Variants in CHCHD3 observed in about 807,000 individuals in gnomAD.
CHCHD3 encodes MICOS complex subunit MIC19.
Under a neutral mutation model 38.2 loss-of-function variants are expected in CHCHD3, and 20 were observed. The observed-to-expected ratio is 0.52, with a 90% CI of 0.37 to 0.76. The LOEUF (loss-of-function observed/expected upper bound fraction) is 0.76, where lower values mean the gene tolerates loss of function less well. CHCHD3 is among the 30% of genes least tolerant of loss of function. The pLI, the probability that CHCHD3 is intolerant of heterozygous loss-of-function variation, is 0.00. For synonymous variants in CHCHD3, 82 were observed against 100.0 expected (o/e 0.82, Z 1.07); for missense variants, 245 against 279.2 (o/e 0.88, Z 0.87).
chr7:133,044,504 CAATAAT>C (rs1813920798), intron 2 of CHCHD3, among the ~76,000 whole-genome samples: 2 of 151,912 alleles, frequency 1.3e-5, no homozygotes, highest in Admixed American at 1.3e-4. Context: ...AAAATAATAA[CAATAAT>C]AATACAAGAA....
chr7:132,947,997 GA>G (rs1254468133), intron 4 of CHCHD3, among the ~76,000 whole-genome samples: 5 of 152,090 alleles, frequency 3.3e-5, no homozygotes, highest in Admixed American at 1.3e-4. Context: ...CCATTGGGGG[GA>G]AAAAGTCACA....
At chr7:132,994,546 C>A (rs1441489475) in intron 3 of CHCHD3, among the ~76,000 whole-genome samples, 2 of 152,128 alleles carry the variant, frequency 1.3e-5, no homozygotes, top group African/African-American at 4.8e-5. Context: ...TATGAGAAAA[C>A]AGAACAACCC....
chr7:133,009,363 CAA>C (rs71178076), intron 3 of CHCHD3, among the ~76,000 whole-genome samples: 19 of 67,398 alleles, frequency 2.8e-4, no homozygotes, highest in South Asian at 5.9e-4. Flanking sequence ...GACTCTGTCT[CAA>C]AAAAAAAAAA....
chr7:132,812,943 T>C (rs942478429), intron 6 of CHCHD3, among the ~76,000 whole-genome samples: 3 of 152,198 alleles, frequency 2.0e-5, no homozygotes, highest in African/African-American at 7.2e-5. Context: ...ATTTTAGCCT[T>C]TATATCAGCT....
At chr7:133,030,227 T>C (rs555664574) in intron 2 of CHCHD3, among the ~76,000 whole-genome samples, 73 of 152,342 alleles carry the variant, frequency 4.8e-4, no homozygotes, top group African/African-American at 1.6e-3. Flanking sequence ...ATGGTATTTG[T>C]TTTTAAATCA....
intron 5 of CHCHD3, among the ~76,000 whole-genome samples, chr7:132,880,352 C>T (rs1190544466): frequency 2.0e-5 from 3 of 152,098 alleles, no homozygotes; most frequent in African/African-American, 7.2e-5. Flanking sequence ...ATGCAAAGTG[C>T]CAATCACAAT....
chr7:132,922,833 G>A (rs1810293955), intron 4 of CHCHD3, among the ~76,000 whole-genome samples: 1 of 152,078 alleles, frequency 6.6e-6, no homozygotes, highest in Non-Finnish European at 1.5e-5. Flanking sequence ...TACCAGCAAA[G>A]CAACTACTTC....
chr7:133,011,331 T>C (rs1420771037), intron 3 of CHCHD3, among the ~76,000 whole-genome samples: 2 of 152,228 alleles, frequency 1.3e-5, no homozygotes, highest in South Asian at 2.1e-4. Flanking sequence ...AGCCAACTAA[T>C]GCTGCTTTGT....
intron 3 of CHCHD3, among the ~76,000 whole-genome samples, chr7:133,012,562 G>A (rs968479020): frequency 6.6e-6 from 1 of 151,906 alleles, no homozygotes; most frequent in African/African-American, 2.4e-5. Flanking sequence ...CTAAGAGTTC[G>A]AGACCAGCCT....
At chr7:132,835,999 T>TA (rs1807770827) in intron 6 of CHCHD3, among the ~76,000 whole-genome samples, 1 of 152,208 alleles carries the variant, frequency 6.6e-6, no homozygotes, top group Non-Finnish European at 1.5e-5. Flanking sequence ...ACCTTGACCT[T>TA]AGACTTCTAG....
intron 4 of CHCHD3, among the ~76,000 whole-genome samples, chr7:132,902,924 C>T (rs1409952288): frequency 6.6e-6 from 1 of 152,196 alleles, no homozygotes; most frequent in Non-Finnish European, 1.5e-5. Flanking sequence ...GCTCCACAAT[C>T]CCAAATTCTA....
chr7:132,913,438 A>G (rs1214344318), intron 4 of CHCHD3, among the ~76,000 whole-genome samples: 2 of 152,220 alleles, frequency 1.3e-5, no homozygotes, highest in Non-Finnish European at 2.9e-5. Context: ...GAGTCTGGGT[A>G]GGAATTCATC....
chr7:132,863,697 T>C (rs973142452), intron 5 of CHCHD3, among the ~76,000 whole-genome samples: 3 of 152,244 alleles, frequency 2.0e-5, no homozygotes, highest in African/African-American at 7.2e-5. Flanking sequence ...TTGTTCAGTG[T>C]AGTCACCTTC....
intron 4 of CHCHD3, among the ~76,000 whole-genome samples, chr7:132,886,384 G>A (rs1809210042): frequency 6.6e-6 from 1 of 151,546 alleles, no homozygotes; most frequent in Non-Finnish European, 1.5e-5. Flanking sequence ...ATCAAAACAA[G>A]TATAATATTT....
intron 2 of CHCHD3, among the ~76,000 whole-genome samples, chr7:133,038,416 T>C (rs992174604): frequency 8.5e-5 from 13 of 152,180 alleles, no homozygotes; most frequent in African/African-American, 3.1e-4. Flanking sequence ...TTGAACACAA[T>C]GAGATTCAAA....
chr7:133,054,082 C>G lies in CHCHD3; in HGVS notation c.169+16060G>C, dbSNP rs561547594. Among the ~76,000 whole-genome samples the G allele has an allele frequency of 1.4e-4, 22 of 152,228 alleles. 1 individual carries two copies. The South Asian group carries it at 4.6e-3, about 32-fold the overall frequency. On this transcript the variant is annotated intron_variant, in intron 2 of 7. Coordinates refer to ENST00000262570, the MANE Select transcript of CHCHD3 (RefSeq NM_017812.4). ...ATAAAGTACCTGTTAATGAGAAGTA[C>G]AAGATCAACAGGCTAAAAAACAAAC...
At chr7:132,882,446 G>C (rs1313644587) in intron 5 of CHCHD3, among the ~76,000 whole-genome samples, 1 of 144,814 alleles carries the variant, frequency 6.9e-6, no homozygotes, top group African/African-American at 2.6e-5. Context: ...TCTTCAAAAA[G>C]GAAAACAATA....
At chr7:132,864,323 G>T (rs1056448042) in intron 5 of CHCHD3, among the ~76,000 whole-genome samples, 21 of 152,194 alleles carry the variant, frequency 1.4e-4, no homozygotes, top group Non-Finnish European at 2.6e-4. Context: ...TGGCTGATGG[G>T]TGGAGGAGTC....
chr7:132,821,755 T>C (rs1467017719), intron 6 of CHCHD3, among the ~76,000 whole-genome samples: 2 of 83,238 alleles, frequency 2.4e-5, no homozygotes, highest in African/African-American at 6.4e-5. Flanking sequence ...ATCTTTTTTT[T>C]TTTTTTTTTT....
Sources: allele counts gnomAD v4.1 joint callset (sites outside exome capture counted in the v4.1 genomes callset), GRCh38; gene constraint gnomAD v4.1.1; transcripts MANE v1.5; gene names NCBI Gene and HGNC (gene_info 2026-07-23, HGNC 2026-07-21).